Variants in CERS3 observed in about 807,000 individuals in gnomAD.
The protein encoded by CERS3 is LAG1 homolog, ceramide synthase 3.
In CERS3, 33 loss-of-function variants were observed where a neutral mutation model predicts 50.3. That is an observed-to-expected ratio of 0.66 (90% CI 0.50 to 0.88). The LOEUF is 0.88. Ranked by LOEUF, CERS3 falls within the 40% of genes least tolerant of loss-of-function variation. The pLI is 0.00. For missense variants in CERS3, 470 were observed against 460.3 expected, an observed-to-expected ratio of 1.02 and a Z score of -0.19; for synonymous variants, 176 against 155.2, an observed-to-expected ratio of 1.13 and a Z score of -0.99.
In CERS3 at chr15:100,501,768, G is replaced by A. The variant is rs777100799; in HGVS notation, c.82C>T (p.His28Tyr). 3.1e-6 allele frequency: 5 copies of A among 1,614,038 alleles called. No individual in the cohort carries two copies. The South Asian group carries it at 5.5e-5, about 18-fold the overall frequency. ...GGTTTTACAAAGACGAGTCCATCGT[G>A]ATCCTCAAGATCTGACCACTTTATT... Reference protein sequence around the residue: ...PTIKWSDLEDHDGLVFVKPSH... With the variant: ...PTIKWSDLEDYDGLVFVKPSH... Residue 28 changes from histidine to tyrosine, a missense_variant, in exon 3 of 12, where the codon CAC becomes TAC. His to Tyr is a moderately conservative substitution (Grantham distance 83). Coordinates refer to ENST00000679737, the MANE Select transcript of CERS3 (RefSeq NM_001378789.1).
At chr15:100,471,801 G>A (rs1343395826) in intron 9 of CERS3, among the ~76,000 whole-genome samples, 1 of 152,218 alleles carries the variant, frequency 6.6e-6, no homozygotes, top group African/African-American at 2.4e-5. Context: ...TCTGTACGCA[G>A]AGGATATTTT....
At chr15:100,424,265 G>C (rs1466720794) in intron 11 of CERS3, among the ~76,000 whole-genome samples, 2 of 152,164 alleles carry the variant, frequency 1.3e-5, no homozygotes, top group African/African-American at 4.8e-5. Flanking sequence ...AGCAGTGCCA[G>C]AACTGACTAA....
chr15:100,423,800 AT>A (rs1459050495), intron 11 of CERS3, among the ~76,000 whole-genome samples: 1 of 152,106 alleles, frequency 6.6e-6, no homozygotes, highest in Non-Finnish European at 1.5e-5. Flanking sequence ...GCCATGTAAG[AT>A]GTGCCTGCTT....
At position 100,475,373 on chromosome 15, in the gene CERS3, C is replaced by G. The variant is rs899897178; in HGVS notation, c.609+713G>C. Among the ~76,000 whole-genome samples, 3 of 152,314 alleles carry G rather than the reference C, an allele frequency of 2.0e-5. No individual in the cohort carries two copies. In the South Asian group the frequency reaches 6.2e-4, roughly 32 times the overall value. ...ATTAAATGTCATTGTATTTACCATA[C>G]AAATTTTGCTACAAACCAGCCTTTT... On this transcript the variant is annotated intron_variant, in intron 8 of 11. Coordinates refer to ENST00000679737, the MANE Select transcript of CERS3 (RefSeq NM_001378789.1).
chr15:100,494,503 TC>T (rs1007184056), intron 3 of CERS3, among the ~76,000 whole-genome samples: 2 of 152,010 alleles, frequency 1.3e-5, no homozygotes, highest in African/African-American at 4.8e-5. Context: ...CGCCTTGGCC[TC>T]CCAAAGTGCT....
chr15:100,410,796 C>T (rs1183181465), intron 11 of CERS3, among the ~76,000 whole-genome samples: 3 of 152,146 alleles, frequency 2.0e-5, no homozygotes, highest in Non-Finnish European at 2.9e-5. Flanking sequence ...GTCTAAAGTC[C>T]TTTTTAAATT....
intron 11 of CERS3, among the ~76,000 whole-genome samples, chr15:100,420,430 G>C (rs976887696): frequency 6.6e-6 from 1 of 152,146 alleles, no homozygotes; most frequent in Non-Finnish European, 1.5e-5. Context: ...TGAAATTGTG[G>C]CAATAATCAA....
At chr15:100,411,524 A>G (rs1041652601) in intron 11 of CERS3, among the ~76,000 whole-genome samples, 7 of 152,008 alleles carry the variant, frequency 4.6e-5, no homozygotes, top group Non-Finnish European at 8.8e-5. Flanking sequence ...CATATTGTTT[A>G]TCCAATTGTC....
At chr15:100,490,338 T>G (rs2035613939) in intron 4 of CERS3, among the ~76,000 whole-genome samples, 1 of 152,186 alleles carries the variant, frequency 6.6e-6, no homozygotes, top group African/African-American at 2.4e-5. Context: ...ACAGCATATT[T>G]CTGAGTATGT....
At chr15:100,403,100 C>T (rs906347940) in intron 11 of CERS3, among the ~76,000 whole-genome samples, 1 of 151,948 alleles carries the variant, frequency 6.6e-6, no homozygotes, top group South Asian at 2.1e-4. Flanking sequence ...AGCTAGAAAC[C>T]AATATCAAAA....
At chr15:100,492,030 T>C (rs944536822) in intron 3 of CERS3, among the ~76,000 whole-genome samples, 2 of 152,134 alleles carry the variant, frequency 1.3e-5, no homozygotes, top group South Asian at 4.1e-4. Flanking sequence ...CTGGCTGTTA[T>C]TGATTTCTAA....
intron 10 of CERS3, among the ~76,000 whole-genome samples, chr15:100,466,853 C>CTCTT (rs374764051): frequency 0.19 from 20,217 of 104,630 alleles, 4,220 homozygotes; most frequent in Admixed American, 0.35. Context: ...CTCTCTTTCT[C>CTCTT]TCTTTCTTTC....
intron 11 of CERS3, among the ~76,000 whole-genome samples, chr15:100,403,600 G>C (rs1440994738): frequency 6.6e-6 from 1 of 152,124 alleles, no homozygotes; most frequent in Admixed American, 6.5e-5. Flanking sequence ...AATAACAACA[G>C]AATGCTATGA....
At chr15:100,506,506 G>A (rs1369100750) in intron 2 of CERS3, among the ~76,000 whole-genome samples, 1 of 139,784 alleles carries the variant, frequency 7.2e-6, no homozygotes, top group Non-Finnish European at 1.5e-5. Flanking sequence ...ATTGTTGATG[G>A]GAATGTGACA....
chr15:100,445,868 C>T (rs989588493), intron 11 of CERS3, among the ~76,000 whole-genome samples: 69 of 152,172 alleles, frequency 4.5e-4, no homozygotes, highest in Non-Finnish European at 5.1e-4. Context: ...ATCCAGATGG[C>T]CTGTTCCTGC....
intron 9 of CERS3, among the ~76,000 whole-genome samples, chr15:100,471,434 G>A (rs1040467875): frequency 8.5e-5 from 13 of 152,100 alleles, no homozygotes; most frequent in South Asian, 4.1e-4. Flanking sequence ...GGGCAACCCC[G>A]TGTTTATTCC....
chr15:100,522,962 C>T (rs943088064), intron 1 of CERS3, among the ~76,000 whole-genome samples: 10 of 152,156 alleles, frequency 6.6e-5, no homozygotes, highest in Admixed American at 6.5e-4. Flanking sequence ...TATGAGAGTT[C>T]CAGTGGTTTA....
intron 11 of CERS3, among the ~76,000 whole-genome samples, chr15:100,406,040 C>T (rs1480467043): frequency 6.6e-6 from 1 of 152,196 alleles, no homozygotes; most frequent in Non-Finnish European, 1.5e-5. Flanking sequence ...CTCCTCTTCT[C>T]TCATGGTGTC....
rs1170051830 is a variant in CERS3, at chr15:100,494,210, CATATATATATATATAT to C, written c.174-3295_174-3280del. The stretch of plus-strand genomic sequence containing the variant: ...TTTGCTTAGTCACCTTTTTTCTTTT[CATATATATATATATAT>C]ATATATATATATATATATATATATA... On this transcript the variant is annotated intron_variant, in intron 3 of 11. Coordinates refer to ENST00000679737, the MANE Select transcript of CERS3 (RefSeq NM_001378789.1). Among the ~76,000 whole-genome samples the C allele has an allele frequency of 1.0e-2, 779 of 78,114 alleles. 20 individuals are homozygous for C. Among genetic ancestry groups the C allele is most frequent in the African/African-American group, 0.04 (718 of 17,894 alleles). The allele number at this position is 78,114 out of a possible 152,430, so 51.2% of individuals were successfully genotyped here. A position where few individuals can be genotyped will look rare whatever the true frequency, so the allele number is the denominator to read the frequency against.
Sources: allele counts gnomAD v4.1 joint callset (sites outside exome capture counted in the v4.1 genomes callset), GRCh38; gene constraint gnomAD v4.1.1; transcripts MANE v1.5; gene names NCBI Gene and HGNC (gene_info 2026-07-23, HGNC 2026-07-21).